The following MACROD2 variants were observed in gnomAD, a reference collection of about 807,000 sequenced individuals.
MACROD2 encodes the protein ADP-ribose glycohydrolase MACROD2.
A neutral mutation model predicts 70.4 loss-of-function variants in MACROD2; 36 were observed. That is an observed-to-expected ratio of 0.51 (90% confidence interval 0.39 to 0.68). The LOEUF is 0.68. MACROD2 is among the 30% of genes least tolerant of loss of function. MACROD2 has a pLI of 0.00. For synonymous variants in MACROD2, 172 were observed against 178.8 expected (o/e 0.96, Z 0.30); for missense variants, 496 against 538.4 (o/e 0.92, Z 0.78).
At chr20:15,707,220 C>A (rs1011362217) in intron 8 of MACROD2, among the ~76,000 whole-genome samples, 1 of 152,142 alleles carries the variant, frequency 6.6e-6, no homozygotes, top group Non-Finnish European at 1.5e-5. Flanking sequence ...TTTAAGTAGT[C>A]CTTCTCAAAG....
chr20:14,317,979 A>G (rs1304017121), intron 3 of MACROD2, among the ~76,000 whole-genome samples: 1 of 152,204 alleles, frequency 6.6e-6, no homozygotes, highest in Non-Finnish European at 1.5e-5. Context: ...AGACGTCACT[A>G]ATATTTATAG....
At chr20:15,980,249 G>T (rs967405539) in intron 13 of MACROD2, among the ~76,000 whole-genome samples, 3 of 152,196 alleles carry the variant, frequency 2.0e-5, no homozygotes, top group African/African-American at 7.2e-5. Flanking sequence ...CCTGGTGCAG[G>T]GCTGCCTGTC....
chr20:15,021,019 TATACACATGTGCATATACGTATATGC>T (rs1056552393), intron 5 of MACROD2, among the ~76,000 whole-genome samples: 6 of 147,264 alleles, frequency 4.1e-5, no homozygotes, highest in South Asian at 4.3e-4. Context: ...TGTGTATATG[TATACACATGTGCATATACGTATATGC>T]ATACACATGT....
chr20:15,011,280 G>A lies in MACROD2; in HGVS notation c.419-218660G>A, dbSNP rs962580962. On this transcript the variant is annotated intron_variant, in intron 5 of 17. Transcript: ENST00000684519. ...ACAATGGATTTCCTCTGTGGTGGGA[G>A]GAAGAGCAGGAAAGAGAGAAGGAAA... Among the ~76,000 whole-genome samples, 11 of 152,102 alleles carry A rather than the reference G, an allele frequency of 7.2e-5. 1 individual carries two copies. The highest frequency in any genetic ancestry group is 1.2e-4 in the Non-Finnish European group (8 of 68,016).
intron 10 of MACROD2, among the ~76,000 whole-genome samples, chr20:15,911,321 G>C (rs1191776167): frequency 6.6e-6 from 1 of 152,226 alleles, no homozygotes. Context: ...TTCTATTCTA[G>C]TTCGTCGTCA....
chr20:14,598,851 A>C (rs1169482687), intron 4 of MACROD2, among the ~76,000 whole-genome samples: 1 of 152,172 alleles, frequency 6.6e-6, no homozygotes, highest in Non-Finnish European at 1.5e-5. Flanking sequence ...CTAGATTCGA[A>C]GATGAAGAAT....
At chr20:14,383,837 A>C (rs1367905651) in intron 3 of MACROD2, among the ~76,000 whole-genome samples, 1 of 152,178 alleles carries the variant, frequency 6.6e-6, no homozygotes, top group Non-Finnish European at 1.5e-5. Flanking sequence ...CCAATTTTTC[A>C]TTAAGTTCAA....
At chr20:14,493,741 C>A (rs772055536) in intron 4 of MACROD2, 18 of 375,760 alleles carry the variant, frequency 4.8e-5, no homozygotes, top group Non-Finnish European at 4.0e-5. Context: ...TGTATTTCTG[C>A]TTTTGGCATA....
intron 8 of MACROD2, among the ~76,000 whole-genome samples, chr20:15,636,071 C>CAAA (rs1178846767): frequency 1.8e-4 from 5 of 27,916 alleles, no homozygotes; most frequent in African/African-American, 3.9e-4. Flanking sequence ...GGCTCCCTCT[C>CAAA]AAAAGAAAAA....
chr20:14,667,728 C>A (rs536461286), intron 4 of MACROD2, among the ~76,000 whole-genome samples: 1 of 152,278 alleles, frequency 6.6e-6, no homozygotes, highest in South Asian at 2.1e-4. Context: ...TCTCTGAAAT[C>A]TCTTCTATGC....
At chr20:14,933,246 A>T (rs1397667417) in intron 5 of MACROD2, among the ~76,000 whole-genome samples, 1 of 152,220 alleles carries the variant, frequency 6.6e-6, no homozygotes, top group Non-Finnish European at 1.5e-5. Context: ...ATAGAAACAG[A>T]TAACACACTA....
At chr20:15,609,770 G>T (rs889614697) in intron 8 of MACROD2, among the ~76,000 whole-genome samples, 1 of 152,152 alleles carries the variant, frequency 6.6e-6, no homozygotes, top group Non-Finnish European at 1.5e-5. Context: ...TTTATTAAAG[G>T]ATCAGCAGGG....
At chr20:16,048,594 A>G (rs971892779) in intron 17 of MACROD2, among the ~76,000 whole-genome samples, 3 of 152,136 alleles carry the variant, frequency 2.0e-5, no homozygotes, top group African/African-American at 7.2e-5. Flanking sequence ...CAGGGACCGC[A>G]GATATAAAAT....
At position 15,726,517 on chromosome 20, in the gene MACROD2, C is replaced by T. The variant is rs141780311; in HGVS notation, c.646-136228C>T. On this transcript the variant is annotated intron_variant, in intron 8 of 17. Transcript: ENST00000684519. ...TCAGAAATTGCCACACTACTGTGCA[C>T]GGTGGCTCAACTAATTTGCATTCCT... is the stretch of plus-strand genomic sequence containing the variant. Among the ~76,000 whole-genome samples, 575 of 152,248 alleles carry T rather than the reference C, an allele frequency of 3.8e-3. 4 individuals carry two copies. The highest frequency in any genetic ancestry group is 0.013 in the African/African-American group (547 of 41,554).
chr20:15,017,256 G>T (rs1164287655), intron 5 of MACROD2, among the ~76,000 whole-genome samples: 6 of 152,150 alleles, frequency 3.9e-5, no homozygotes, highest in African/African-American at 1.4e-4. Context: ...AGGGGTTACA[G>T]GGCTCATGCA....
At chr20:15,978,635 C>A (rs1037551292) in intron 13 of MACROD2, among the ~76,000 whole-genome samples, 23 of 150,010 alleles carry the variant, frequency 1.5e-4, no homozygotes, top group Admixed American at 3.3e-4. Context: ...TCTCAGCTAA[C>A]CTTACAACTT....
chr20:15,449,080 A>T (rs1295902236), intron 7 of MACROD2, among the ~76,000 whole-genome samples: 1 of 152,140 alleles, frequency 6.6e-6, no homozygotes, highest in Admixed American at 6.5e-5. Flanking sequence ...CCCATCCCCA[A>T]AATGGCAGCT....
At chr20:14,660,886 C>A (rs1555812562) in intron 4 of MACROD2, among the ~76,000 whole-genome samples, 1 of 151,720 alleles carries the variant, frequency 6.6e-6, no homozygotes, top group South Asian at 2.1e-4. Context: ...TGATTTTGTT[C>A]TTTTTTTTAA....
At chr20:16,049,227 T>C (rs2067424901) in intron 17 of MACROD2, among the ~76,000 whole-genome samples, 1 of 152,118 alleles carries the variant, frequency 6.6e-6, no homozygotes, top group Non-Finnish European at 1.5e-5. Context: ...GTTTAATGTA[T>C]GCATTTTTCA....
Sources: allele counts gnomAD v4.1 joint callset (sites outside exome capture counted in the v4.1 genomes callset), GRCh38; gene constraint gnomAD v4.1.1; transcripts MANE v1.5; gene names NCBI Gene and HGNC (gene_info 2026-07-23, HGNC 2026-07-21).